Variants in CFDP1 observed in about 807,000 individuals in gnomAD.
The protein encoded by CFDP1 is chromatin remodeling protein CFDP1, also known as heterochromatin-stabilizing protein CFDP1.
A neutral mutation model predicts 40.1 loss-of-function variants in CFDP1; 31 were observed. The observed-to-expected ratio is 0.77, with a 90% CI of 0.58 to 1.04. The LOEUF (loss-of-function observed/expected upper bound fraction) is 1.04. Among genes scored for constraint, CFDP1 ranks in the 50% least tolerant of loss-of-function variants. CFDP1 has a pLI of 0.00. For missense variants in CFDP1, 423 were observed against 343.4 expected (o/e 1.23, Z -1.83); for synonymous variants, 167 against 120.0 (o/e 1.39, Z -2.56).
intron 5 of CFDP1, among the ~76,000 whole-genome samples, chr16:75,316,722 C>G (rs1002375649): frequency 2.0e-5 from 3 of 152,154 alleles, no homozygotes; most frequent in Non-Finnish European, 2.9e-5. Context: ...GTAATCCTAG[C>G]ACTTTGGGAG....
At chr16:75,361,812 T>C (rs2078681288) in intron 5 of CFDP1, among the ~76,000 whole-genome samples, 1 of 152,236 alleles carries the variant, frequency 6.6e-6, no homozygotes, top group South Asian at 2.1e-4. Flanking sequence ...TGGTTTCTTT[T>C]TGAATTTCTC....
intron 6 of CFDP1, among the ~76,000 whole-genome samples, chr16:75,304,145 T>C (rs2078242400): frequency 1.3e-5 from 2 of 152,196 alleles, no homozygotes; most frequent in African/African-American, 4.8e-5. Context: ...CTTGGCTCAC[T>C]GCAACCTCCA....
chr16:75,318,241 C>T (rs2078337565), intron 5 of CFDP1, among the ~76,000 whole-genome samples: 1 of 152,092 alleles, frequency 6.6e-6, no homozygotes, highest in Non-Finnish European at 1.5e-5. Flanking sequence ...CACACACTCT[C>T]ATGAACATTC....
chr16:75,347,852 A>T (rs1399081811), intron 5 of CFDP1, among the ~76,000 whole-genome samples: 1 of 152,184 alleles, frequency 6.6e-6, no homozygotes, highest in African/African-American at 2.4e-5. Context: ...AACATCCATA[A>T]CCTCATTCTC....
chr16:75,326,678 C>G (rs781482964), intron 5 of CFDP1, among the ~76,000 whole-genome samples: 1 of 152,102 alleles, frequency 6.6e-6, no homozygotes, highest in Non-Finnish European at 1.5e-5. Context: ...GTAAGAACGT[C>G]AGGGATAAAA....
chr16:75,387,153 T>G (rs1173325310), intron 5 of CFDP1, among the ~76,000 whole-genome samples: 3 of 151,388 alleles, frequency 2.0e-5, no homozygotes, highest in Non-Finnish European at 4.4e-5. Context: ...TTTTTTTTTT[T>G]TTTTGAGACG....
intron 5 of CFDP1, 26 bp from the exon 6 acceptor site, chr16:75,305,208 T>C (rs2078249255): frequency 6.2e-7 from 1 of 1,610,536 alleles, no homozygotes; most frequent in Non-Finnish European, 8.5e-7. Flanking sequence ...ATGAAAGATG[T>C]AGCAGGTAAA....
chr16:75,300,164 G>C (rs1053741960), intron 6 of CFDP1, among the ~76,000 whole-genome samples: 1 of 152,202 alleles, frequency 6.6e-6, no homozygotes, highest in African/African-American at 2.4e-5. Context: ...AGATGTCTGC[G>C]GCCTGTACTG....
chr16:75,388,302 ACATT>A (rs1406619882), intron 5 of CFDP1, among the ~76,000 whole-genome samples: 8 of 152,360 alleles, frequency 5.3e-5, no homozygotes, highest in Admixed American at 6.5e-5. Context: ...CAATAAATAG[ACATT>A]ATTTATTCTT....
At chr16:75,346,582 CAAAAAAAAAAAAAAAA>C (rs748081401) in intron 5 of CFDP1, among the ~76,000 whole-genome samples, 27 of 59,324 alleles carry the variant, frequency 4.6e-4, no homozygotes, top group African/African-American at 1.8e-3. Context: ...GACTCTGTCT[CAAAAAAAAAAAAAAAA>C]AAAAAAAAAA....
At chr16:75,401,860 T>C (rs1270815236) in intron 4 of CFDP1, among the ~76,000 whole-genome samples, 2 of 150,914 alleles carry the variant, frequency 1.3e-5, no homozygotes, top group African/African-American at 2.4e-5. Context: ...TAAAAAAAAA[T>C]ATGGCATGGC....
At chr16:75,296,725 G>A (rs1433002784) in intron 6 of CFDP1, among the ~76,000 whole-genome samples, 1 of 152,220 alleles carries the variant, frequency 6.6e-6, no homozygotes, top group East Asian at 1.9e-4. Context: ...AGGCAGCAGT[G>A]AGGGGAACAT....
At chr16:75,433,085 C>A (rs115003020) in intron 1 of CFDP1, among the ~76,000 whole-genome samples, 2,536 of 152,260 alleles carry the variant, frequency 0.017, 70 homozygotes, top group African/African-American at 0.057. Flanking sequence ...AGCTGCCCAA[C>A]GGGAGGGGAG....
chr16:75,347,933 A>C (rs1032550523), intron 5 of CFDP1, among the ~76,000 whole-genome samples: 2 of 152,194 alleles, frequency 1.3e-5, no homozygotes, highest in Non-Finnish European at 2.9e-5. Context: ...CACTTTCCAA[A>C]GGCAATGTCA....
At chr16:75,410,074 A>C (rs1367244255) in intron 4 of CFDP1, among the ~76,000 whole-genome samples, 1 of 149,388 alleles carries the variant, frequency 6.7e-6, no homozygotes, top group Non-Finnish European at 1.5e-5. Flanking sequence ...AAAAAAAAAA[A>C]AAAAAAAAAA....
At position 75,294,038 on chromosome 16, in the gene CFDP1, T is replaced by G. The variant is rs753294018; in HGVS notation, c.814A>C (p.Ile272Leu). 6.2e-7 allele frequency: 1 copy of G among 1,612,512 alleles called. No homozygotes were observed. Among genetic ancestry groups the G allele is most frequent in the African/African-American group, 1.3e-5 (1 of 75,034 alleles). ...CGGTCAAGGAAGGCTTTCCGTTCAA[T>G]GTACCTAGAAGATGAAAACAGTGTT... Reference protein sequence around the residue: ...AIHNRGKEGYIERKAFLDRVD... With the variant: ...AIHNRGKEGYLERKAFLDRVD... The change falls in exon 7 of 7, where the codon ATT becomes CTT. Residue 272 changes from isoleucine (I) to leucine (L), a missense_variant. Transcript: ENST00000283882.
intron 2 of CFDP1, among the ~76,000 whole-genome samples, chr16:75,413,207 T>C (rs2079177305): frequency 6.6e-6 from 1 of 152,120 alleles, no homozygotes; most frequent in South Asian, 2.1e-4. Flanking sequence ...CCAAGAGTTC[T>C]CAAGGAAAAA....
chr16:75,318,259 C>G (rs2078337715), intron 5 of CFDP1, among the ~76,000 whole-genome samples: 1 of 152,142 alleles, frequency 6.6e-6, no homozygotes, highest in African/African-American at 2.4e-5. Context: ...TTCCCCTGAT[C>G]GTTCCCATCA....
chr16:75,316,634 T>G (rs564687149), intron 5 of CFDP1, among the ~76,000 whole-genome samples: 3 of 103,526 alleles, frequency 2.9e-5, no homozygotes, highest in Non-Finnish European at 5.9e-5. Flanking sequence ...ATTCAGGAAA[T>G]CCCCAAAGGA....
Sources: allele counts gnomAD v4.1 joint callset (sites outside exome capture counted in the v4.1 genomes callset), GRCh38; gene constraint gnomAD v4.1.1; transcripts MANE v1.5; gene names NCBI Gene and HGNC (gene_info 2026-07-23, HGNC 2026-07-21).